The following RNF17 variants were observed in gnomAD, a reference collection of about 807,000 sequenced individuals.
RNF17 encodes the protein ring finger protein 17.
In RNF17, 31 loss-of-function variants were observed where a neutral mutation model predicts 200.5. That is an observed-to-expected ratio of 0.15 (90% CI 0.12 to 0.21). The LOEUF is 0.21. RNF17 is among the 10% of genes least tolerant of loss of function. The pLI is 1.00. For missense variants in RNF17, 1,628 were observed against 1,905.1 expected (o/e 0.85, Z 2.71); for synonymous variants, 606 against 637.8 (o/e 0.95, Z 0.75).
chr13:24,764,814 G>T (rs1426082408), intron 1 of RNF17, among the ~76,000 whole-genome samples: 1 of 150,854 alleles, frequency 6.6e-6, no homozygotes, highest in Admixed American at 6.6e-5. Flanking sequence ...TTTTTTGTTT[G>T]TTTTTTACAT....
the RNF17 span, among the ~76,000 whole-genome samples, chr13:24,886,686 T>A: frequency 6.6e-6 from 1 of 152,190 alleles, no homozygotes; most frequent in Non-Finnish European, 1.5e-5. Context: ...ACAGGTTATG[T>A]GTGCAAACTA....
At chr13:24,817,285 T>TA (rs1177823875) in intron 15 of RNF17, among the ~76,000 whole-genome samples, 1 of 152,162 alleles carries the variant, frequency 6.6e-6, no homozygotes, top group Non-Finnish European at 1.5e-5. Context: ...TGTTTGAACC[T>TA]CTTTACTAGT....
intron 15 of RNF17, among the ~76,000 whole-genome samples, chr13:24,806,974 G>A (rs2137780889): frequency 6.6e-6 from 1 of 151,832 alleles, no homozygotes; most frequent in Admixed American, 6.6e-5. Context: ...CAAAGGACAT[G>A]AACTCATCAT....
chr13:24,806,549 G>T (rs1343090672), intron 15 of RNF17, among the ~76,000 whole-genome samples: 1 of 152,144 alleles, frequency 6.6e-6, no homozygotes, highest in African/African-American at 2.4e-5. Flanking sequence ...GTATCTCATT[G>T]TGGTTTTGAT....
rs1202559962 is a variant in RNF17, at chr13:24,802,375, G to A, written c.1759-6G>A. On this transcript the variant is annotated splice_polypyrimidine_tract_variant and splice_region_variant and intron_variant, in intron 13 of 35. Transcript: ENST00000255324. ...AATTACTATGGAATTTTACTTTCTT[G>A]CACAGAATGAAGGCTGGGAAGAGGA... is the stretch of plus-strand genomic sequence containing the variant. 5 of 1,603,094 alleles carry A rather than the reference G, an allele frequency of 3.1e-6. No individual in the cohort carries two copies. The highest frequency in any genetic ancestry group is 4.3e-6 in the Non-Finnish European group (5 of 1,174,946).
At chr13:24,789,665 A>G in intron 8 of RNF17, 33 bp from the exon 9 acceptor site, 1 of 1,340,606 alleles carries the variant, frequency 7.5e-7, no homozygotes, top group South Asian at 1.2e-5. Flanking sequence ...TTTGTATTAG[A>G]ACATTTATGT....
At chr13:24,815,469 GTGTGTA>G (rs1276439933) in intron 15 of RNF17, among the ~76,000 whole-genome samples, 267 of 142,146 alleles carry the variant, frequency 1.9e-3, no homozygotes, top group Admixed American at 5.3e-3. Flanking sequence ...GTGTGTGTGT[GTGTGTA>G]TAATTTGGGG....
At chr13:24,824,522 G>T in intron 15 of RNF17, 1 of 233,294 alleles carries the variant, frequency 4.3e-6, no homozygotes, top group Non-Finnish European at 8.2e-6. Context: ...ATTAAGAATT[G>T]GTATTTGGAG....
chr13:24,777,549 C>G lies in RNF17; in HGVS notation c.318-746C>G, dbSNP rs191889280. Among the ~76,000 whole-genome samples the G allele has an allele frequency of 2.0e-5, 3 of 152,302 alleles. No homozygotes were observed. The East Asian group carries it at 5.8e-4, about 29-fold the overall frequency. ...TCTGGCTTCTATAGACTAGAGAATG[C>G]AACTAACTTTTTCTTTGCAATTAAC... On this transcript the variant is annotated intron_variant, in intron 3 of 35. Transcript: ENST00000255324.
intron 18 of RNF17, among the ~76,000 whole-genome samples, chr13:24,835,929 A>G (rs947593783): frequency 6.6e-6 from 1 of 152,212 alleles, no homozygotes; most frequent in African/African-American, 2.4e-5. Context: ...TAAGAAGTGA[A>G]GGGAGAAATA....
chr13:24,853,194 G>A (rs886511764), intron 24 of RNF17, among the ~76,000 whole-genome samples: 3 of 152,212 alleles, frequency 2.0e-5, no homozygotes, highest in African/African-American at 4.8e-5. Flanking sequence ...GATTATAGGC[G>A]TGAGCCACCA....
chr13:24,834,647 AT>A (rs1889771673), intron 18 of RNF17, among the ~76,000 whole-genome samples: 2 of 152,146 alleles, frequency 1.3e-5, no homozygotes. Context: ...TCCCAGCGAA[AT>A]ATAGGGGTAG....
intron 4 of RNF17, among the ~76,000 whole-genome samples, chr13:24,778,649 T>G (rs1881917641): frequency 6.6e-6 from 1 of 152,210 alleles, no homozygotes. Flanking sequence ...TGTGTGTAGC[T>G]TCTTCCCTTT....
intron 18 of RNF17, among the ~76,000 whole-genome samples, chr13:24,835,620 G>A (rs1889905224): frequency 6.6e-6 from 1 of 152,238 alleles, no homozygotes; most frequent in Admixed American, 6.5e-5. Context: ...TAGGAAAAGG[G>A]GAAGAGTACT....
At chr13:24,753,255 A>AT in the RNF17 span, among the ~76,000 whole-genome samples, 8 of 152,256 alleles carry the variant, frequency 5.3e-5, no homozygotes, top group Non-Finnish European at 2.9e-5. Flanking sequence ...GTGAAGAAGA[A>AT]TAGGGGATGT....
At chr13:24,757,813 C>T in the RNF17 span, among the ~76,000 whole-genome samples, 1 of 152,160 alleles carries the variant, frequency 6.6e-6, no homozygotes, top group African/African-American at 2.4e-5. Context: ...ACAAAACATC[C>T]CCTCCTGCTC....
At chr13:24,866,964 A>G (rs1211017173) in intron 30 of RNF17, among the ~76,000 whole-genome samples, 1 of 152,102 alleles carries the variant, frequency 6.6e-6, no homozygotes, top group Non-Finnish European at 1.5e-5. Context: ...CCATTTTAGG[A>G]TAGGCATGAA....
At chr13:24,844,329 G>A (rs1891006310) in intron 20 of RNF17, among the ~76,000 whole-genome samples, 1 of 152,080 alleles carries the variant, frequency 6.6e-6, no homozygotes, top group South Asian at 2.1e-4. Context: ...TGGTGATAAG[G>A]GAAATAGAAA....
At chr13:24,809,006 T>C (rs1051518786) in intron 15 of RNF17, among the ~76,000 whole-genome samples, 20 of 152,028 alleles carry the variant, frequency 1.3e-4, no homozygotes, top group African/African-American at 4.6e-4. Context: ...CACTTAATCA[T>C]GGTGGGTAAG....
Sources: gnomAD v4.1 joint callset for allele counts (sites outside exome capture counted in the v4.1 genomes callset) on GRCh38, gnomAD v4.1.1 for gene constraint, MANE v1.5 for transcripts, NCBI Gene and HGNC (gene_info 2026-07-23, HGNC 2026-07-21) for gene names.